The following EFCAB6 variants were observed in gnomAD, a reference collection of about 807,000 sequenced individuals.
The protein encoded by EFCAB6 is EF-hand calcium binding domain 6.
A neutral mutation model predicts 169.8 loss-of-function variants in EFCAB6; 156 were observed. The ratio of observed to expected loss-of-function variants is 0.92; its 90% confidence interval spans 0.81 to 1.05. EFCAB6 has a LOEUF of 1.05. Among genes scored for constraint, EFCAB6 ranks in the 50% least tolerant of loss-of-function variants. The pLI is 0.00. For missense variants in EFCAB6, 1,800 were observed against 1,829.1 expected, an observed-to-expected ratio of 0.98 and a Z score of 0.29; for synonymous variants, 698 against 676.4, an observed-to-expected ratio of 1.03 and a Z score of -0.50.
rs1334630531 is a variant in EFCAB6, at chr22:43,576,573, GA to G, written c.3229-86del. On this transcript the variant is annotated intron_variant, in intron 25 of 31. Coordinates refer to ENST00000262726, the MANE Select transcript of EFCAB6 (RefSeq NM_022785.4). ...ACTTTCCTTAAGTACTGTTTCTGCT[GA>G]ATGCAAATGAAGCCTAGTGTATAAA... 3 of 1,160,438 alleles carry G rather than the reference GA, an allele frequency of 2.6e-6. No homozygotes were observed. The East Asian group carries it at 8.1e-5, about 31-fold the overall frequency. The allele number at this position is 1,160,438 out of a possible 1,614,324, so 71.9% of individuals were successfully genotyped here.
chr22:43,732,465 C>CTTTTTTTT (rs5845617), intron 7 of EFCAB6, among the ~76,000 whole-genome samples: 1 of 119,226 alleles, frequency 8.4e-6, no homozygotes, highest in Admixed American at 9.3e-5. Flanking sequence ...TACTGAAATA[C>CTTTTTTTT]TTTTTTTTTT....
At position 43,600,138 on chromosome 22, in the gene EFCAB6, G is replaced by T. The variant is rs76753200; in HGVS notation, c.2807C>A (p.Thr936Lys). ...EDYFNFMGHFTKPQQLQEEMK... is the reference protein window; with the variant it reads ...EDYFNFMGHFKKPQQLQEEMK... Reference sequence around the variant, plus strand: ...CTCTTCCTGTAGCTGCTGTGGCTTTGTAAAATGACCCATGAAGTTGAAATA... The same window carrying T: ...CTCTTCCTGTAGCTGCTGTGGCTTTTTAAAATGACCCATGAAGTTGAAATA... Residue 936 changes from threonine (T) to lysine (K), a missense_variant, in exon 23 of 32, where the codon ACA becomes AAA. By Grantham distance (78) the Thr-to-Lys change is moderately conservative. Coordinates refer to ENST00000262726, the MANE Select transcript of EFCAB6 (RefSeq NM_022785.4). 6.2e-7 allele frequency: 1 copy of T among 1,614,122 alleles called. No homozygotes were observed. Among genetic ancestry groups the T allele is most frequent in the Non-Finnish European group, 8.5e-7 (1 of 1,180,014 alleles).
At chr22:43,639,382 A>G (rs1470078925) in intron 17 of EFCAB6, among the ~76,000 whole-genome samples, 1 of 152,160 alleles carries the variant, frequency 6.6e-6, no homozygotes, top group Non-Finnish European at 1.5e-5. Flanking sequence ...TTCTTGAAGG[A>G]GACTTTGGCT....
chr22:43,665,385 T>G (rs1028496590), intron 17 of EFCAB6, among the ~76,000 whole-genome samples: 2 of 152,172 alleles, frequency 1.3e-5, no homozygotes, highest in Non-Finnish European at 2.9e-5. Flanking sequence ...AGTCTCTGCC[T>G]TACCAACATC....
intron 10 of EFCAB6, among the ~76,000 whole-genome samples, chr22:43,705,493 A>G (rs2058921762): frequency 6.6e-6 from 1 of 152,170 alleles, no homozygotes; most frequent in Non-Finnish European, 1.5e-5. Context: ...AAGTCTTAGC[A>G]CATTTAAGAA....
chr22:43,679,185 CT>C (rs1449851021), intron 12 of EFCAB6, among the ~76,000 whole-genome samples: 7 of 152,174 alleles, frequency 4.6e-5, no homozygotes, highest in African/African-American at 1.7e-4. Context: ...AAGGCAATGA[CT>C]CCATTTTCTG....
chr22:43,575,125 C>T (rs756898919), intron 26 of EFCAB6, among the ~76,000 whole-genome samples: 7 of 152,086 alleles, frequency 4.6e-5, no homozygotes, highest in Admixed American at 2.6e-4. Flanking sequence ...GGGTGACGAC[C>T]GAATGGCAGC....
chr22:43,702,716 A>C (rs1490238596), intron 10 of EFCAB6, among the ~76,000 whole-genome samples: 2 of 152,172 alleles, frequency 1.3e-5, no homozygotes, highest in Non-Finnish European at 2.9e-5. Flanking sequence ...GTACCTGCCA[A>C]CAGTGGTGCC....
At chr22:43,692,463 A>C (rs1447814227) in intron 10 of EFCAB6, among the ~76,000 whole-genome samples, 1 of 152,240 alleles carries the variant, frequency 6.6e-6, no homozygotes, top group African/African-American at 2.4e-5. Flanking sequence ...AGCAATGATT[A>C]CAACTATCTT....
At position 43,632,197 on chromosome 22, in the gene EFCAB6, G is replaced by A. The variant is rs1569284080; in HGVS notation, c.2140C>T (p.Pro714Ser). ...RGPETTPPQP[P>S]TPSKSYVNSH... ...TTCACGTAACTTTTTGAAGGAGTTG[G>A]AGGCTGCGGCGGAGTGGTTTCCGGC... is the stretch of plus-strand genomic sequence containing the variant. The change falls in exon 19 of 32, where the codon CCA becomes TCA. Residue 714 changes from proline to serine, a missense_variant. By Grantham distance (74) the Pro-to-Ser change is moderately conservative. Coordinates refer to ENST00000262726, the MANE Select transcript of EFCAB6 (RefSeq NM_022785.4). 1.2e-6 allele frequency: 2 copies of A among 1,614,042 alleles called. No individual in the cohort carries two copies. The highest frequency in any genetic ancestry group is 1.7e-6 in the Non-Finnish European group (2 of 1,180,018).
chr22:43,780,970 T>TA (rs1603364498), intron 3 of EFCAB6, among the ~76,000 whole-genome samples: 1 of 152,236 alleles, frequency 6.6e-6, no homozygotes, highest in Non-Finnish European at 1.5e-5. Context: ...AAGTGCGTCT[T>TA]ACGGCATTTG....
intron 18 of EFCAB6, among the ~76,000 whole-genome samples, 174 bp from the exon 19 acceptor site, chr22:43,632,412 G>C (rs573921188): frequency 6.7e-6 from 1 of 149,538 alleles, no homozygotes; most frequent in East Asian, 2.0e-4. Context: ...CGAGTCTCCT[G>C]CCTCAGCCTC....
At chr22:43,761,846 T>C (rs2061172817) in intron 5 of EFCAB6, among the ~76,000 whole-genome samples, 1 of 152,234 alleles carries the variant, frequency 6.6e-6, no homozygotes. Flanking sequence ...ATTACATCTA[T>C]TGGTTTGTAG....
chr22:43,600,185 G>C lies in EFCAB6; in HGVS notation c.2760C>G (p.Val920=). Residue 920 remains valine, a synonymous_variant, in exon 23 of 32, where the codon GTC becomes GTG. Transcript: ENST00000262726. Reference sequence around the variant, plus strand: ...AATAATCCTCTGCACAGGGCCGATGGACAGCAGGCGAATAGTTAATACCCA... The same window carrying C: ...AATAATCCTCTGCACAGGGCCGATGCACAGCAGGCGAATAGTTAATACCCA... The part of the protein sequence containing the change: ...QKLGINYSPA[V]HRPCAEDYFN... 7 of 1,614,176 alleles carry C rather than the reference G, an allele frequency of 4.3e-6. No individual in the cohort carries two copies. The highest frequency in any genetic ancestry group is 5.9e-6 in the Non-Finnish European group (7 of 1,180,030).
intron 17 of EFCAB6, among the ~76,000 whole-genome samples, chr22:43,636,221 T>C (rs1389339958): frequency 6.6e-6 from 1 of 152,028 alleles, no homozygotes; most frequent in Non-Finnish European, 1.5e-5. Flanking sequence ...GGGTGAGGAA[T>C]ACACAGGTTA....
intron 17 of EFCAB6, among the ~76,000 whole-genome samples, chr22:43,643,435 G>C (rs2055935656): frequency 6.6e-6 from 1 of 152,240 alleles, no homozygotes; most frequent in Non-Finnish European, 1.5e-5. Context: ...AAAGCCCAGA[G>C]ATGCAAGAGC....
chr22:43,558,079 A>T (rs2048813724), intron 26 of EFCAB6, among the ~76,000 whole-genome samples: 1 of 152,250 alleles, frequency 6.6e-6, no homozygotes, highest in Non-Finnish European at 1.5e-5. Flanking sequence ...TAAAATCAGG[A>T]ACAAAATAAG....
chr22:43,638,946 C>G (rs1001053647), intron 17 of EFCAB6, among the ~76,000 whole-genome samples: 1 of 151,842 alleles, frequency 6.6e-6, no homozygotes, highest in African/African-American at 2.4e-5. Flanking sequence ...CCACCATGCC[C>G]GGCTAATTTT....
At position 43,580,585 on chromosome 22, in the gene EFCAB6, G is replaced by A. The variant is rs772078673; in HGVS notation, c.3107C>T (p.Thr1036Ile). 5.0e-6 allele frequency: 8 copies of A among 1,614,002 alleles called. No homozygotes were observed. In the Admixed American group the frequency reaches 6.7e-5, roughly 13 times the overall value. Residue 1036 changes from threonine (T) to isoleucine (I), a missense_variant, in exon 25 of 32, where the codon ACA (threonine) becomes ATA (isoleucine). Thr to Ile is a moderately conservative substitution (Grantham distance 89). Transcript: ENST00000262726. ...FLRAVENSKSTGAQPKEKEES... is the reference protein window; with the variant it reads ...FLRAVENSKSIGAQPKEKEES... ...TTCTTTTTCCTTGGGCTGAGCTCCT[G>A]TTGACTTGCTGTTCTCCACTGCTCT...
Sources: gnomAD v4.1 joint callset for allele counts (sites outside exome capture counted in the v4.1 genomes callset) on GRCh38, gnomAD v4.1.1 for gene constraint, MANE v1.5 for transcripts, NCBI Gene and HGNC (gene_info 2026-07-23, HGNC 2026-07-21) for gene names.